Variants in PSD4 observed in about 807,000 individuals in gnomAD.
The protein encoded by PSD4 is pleckstrin and Sec7 domain containing 4.
In PSD4, 59 loss-of-function variants were observed where a neutral mutation model predicts 112.5. The observed-to-expected ratio is 0.52, with a 90% confidence interval of 0.43 to 0.65. The LOEUF (loss-of-function observed/expected upper bound fraction) is 0.65. Ranked by LOEUF, PSD4 falls within the 30% of genes least tolerant of loss-of-function variation. The pLI is 0.00. For missense variants in PSD4, 1,267 were observed against 1,352.6 expected, an observed-to-expected ratio of 0.94 and a Z score of 0.99; for synonymous variants, 533 against 540.0, an observed-to-expected ratio of 0.99 and a Z score of 0.18.
rs1174216907 is a variant in PSD4, at chr2:113,199,119, G to A, written c.2806G>A (p.Ala936Thr). The A allele has an allele frequency of 1.3e-6, 2 of 1,531,096 alleles. No individual in the cohort carries two copies. Among genetic ancestry groups the A allele is most frequent in the Non-Finnish European group, 8.8e-7 (1 of 1,140,952 alleles). 94.8% of individuals were successfully genotyped at this position (1,531,096 alleles called of 1,614,324 possible). A position where few individuals can be genotyped will look rare whatever the true frequency, so the allele number is the denominator to read the frequency against. ...TCGATCCCACGAGAACTGCCTGGAC[G>A]CTGCCGCGGACGACCTGCTGGATCT... is the stretch of plus-strand genomic sequence containing the variant. ...QHRSHENCLD[A>T]AADDLLDLQR... The change falls in exon 16 of 17, where the codon GCT (alanine) becomes ACT (threonine). Residue 936 changes from alanine (A) to threonine (T), a missense_variant. Ala to Thr is a moderately conservative substitution (Grantham distance 58). Coordinates refer to ENST00000245796, the MANE Select transcript of PSD4 (RefSeq NM_012455.3).
rs34048507 is a variant in PSD4 at position 113,201,276 on chromosome 2, A to G, written c.3032A>G (p.Lys1011Arg). ...GREAGGTREPKLSLKKSHSSP... is the reference protein window; with the variant it reads ...GREAGGTREPRLSLKKSHSSP... ...GAAGCTGGAGGCACTCGGGAGCCCA[A>G]GCTCAGCCTGAAGAAGTCCCACTCG... The change falls in exon 17 of 17, where the codon AAG becomes AGG. Residue 1011 changes from lysine (K) to arginine (R), a missense_variant. Lys to Arg is a conservative substitution (Grantham distance 26). Coordinates refer to ENST00000245796, the MANE Select transcript of PSD4 (RefSeq NM_012455.3). 2.9e-4 allele frequency: 472 copies of G among 1,614,182 alleles called. No homozygotes were observed. The African/African-American group carries it at 5.5e-3, about 19-fold the overall frequency.
At chr2:113,185,572 A>G in intron 4 of PSD4, 132 bp downstream of exon 4, 1 of 1,568,530 alleles carries the variant, frequency 6.4e-7, no homozygotes, top group Non-Finnish European at 8.6e-7. Flanking sequence ...AGCCAGACAG[A>G]CTTGGGGTTA....
At chr2:113,178,823 G>A (rs1411460256) in intron 1 of PSD4, among the ~76,000 whole-genome samples, 1 of 152,140 alleles carries the variant, frequency 6.6e-6, no homozygotes, top group Non-Finnish European at 1.5e-5. Context: ...ATGAGAACAG[G>A]AGAAGGGATC....
At chr2:113,187,152 G>A (rs972286387) in intron 5 of PSD4, among the ~76,000 whole-genome samples, 2 of 152,242 alleles carry the variant, frequency 1.3e-5, no homozygotes, top group African/African-American at 4.8e-5. Flanking sequence ...AGAACCCCGA[G>A]AGGAAGGTAT....
intron 5 of PSD4, 120 bp from the exon 6 acceptor site, chr2:113,192,260 G>A: frequency 1.1e-6 from 1 of 947,004 alleles, no homozygotes. Context: ...TCTTCCCTGA[G>A]TAAGGGCCTG....
At position 113,201,332 on chromosome 2, in the gene PSD4, A is replaced by G. The variant is rs1202036644; in HGVS notation, c.3088A>G (p.Thr1030Ala). The G allele has an allele frequency of 6.2e-7, 1 of 1,614,086 alleles. No homozygotes were observed. Among genetic ancestry groups the G allele is most frequent in the Non-Finnish European group, 8.5e-7 (1 of 1,180,034 alleles). Residue 1030 changes from threonine (T) to alanine (A), a missense_variant, in exon 17 of 17, where the codon ACC (threonine) becomes GCC (alanine). Physicochemically the swap from Thr to Ala is moderately conservative, Grantham distance 58. Around this residue, in one of 2 missense-constraint regions of PSD4, gnomAD observed 544 missense variants for 648.6 expected, o/e 0.84. Coordinates refer to ENST00000245796, the MANE Select transcript of PSD4 (RefSeq NM_012455.3). Reference protein sequence around the residue: ...SPSLHQDEAPTTAKVKRNISE... With the variant: ...SPSLHQDEAPATAKVKRNISE... The stretch of plus-strand genomic sequence containing the variant: ...GTCCCTGCACCAGGATGAGGCTCCC[A>G]CCACGGCCAAGGTGAAGCGCAACAT...
At chr2:113,184,692 A>C (rs1401739900) in intron 2 of PSD4, among the ~76,000 whole-genome samples, 1 of 152,106 alleles carries the variant, frequency 6.6e-6, no homozygotes, top group Admixed American at 6.5e-5. Context: ...TCTAAGCACT[A>C]ACTTCTCAGA....
chr2:113,193,039 C>T lies in PSD4; in HGVS notation c.1839-9C>T, dbSNP rs1045506675. 12 of 1,613,154 alleles carry T rather than the reference C, an allele frequency of 7.4e-6. No individual in the cohort carries two copies. Among genetic ancestry groups the T allele is most frequent in the South Asian group, 1.1e-5 (1 of 91,044 alleles). ...TGGTGCAGACTCCATGCCCCTTTTCCCTCTGCAGCAATGACTTTAGCAGGG... is the reference window on the plus strand; with the variant it reads ...TGGTGCAGACTCCATGCCCCTTTTCTCTCTGCAGCAATGACTTTAGCAGGG... On this transcript the variant is annotated splice_polypyrimidine_tract_variant and intron_variant, in intron 6 of 16. Transcript: ENST00000245796.
intron 5 of PSD4, among the ~76,000 whole-genome samples, chr2:113,192,134 T>C (rs1259517344): frequency 6.6e-6 from 1 of 151,928 alleles, no homozygotes; most frequent in African/African-American, 2.4e-5. Context: ...GGAACATGGC[T>C]GTGCTTTACC....
At chr2:113,176,509 G>A (rs969995663) in intron 1 of PSD4, among the ~76,000 whole-genome samples, 5 of 152,150 alleles carry the variant, frequency 3.3e-5, no homozygotes, top group African/African-American at 1.2e-4. Flanking sequence ...GAGTGGAGCA[G>A]TGCTCTCTCT....
chr2:113,182,397 C>T lies in PSD4; in HGVS notation c.-60C>T. On this transcript the variant is annotated 5_prime_UTR_variant, in exon 2 of 17. Transcript: ENST00000245796. Reference sequence around the variant, plus strand: ...AGCGGCCAGTGCTCCCCCTAGTCCACACAGTGAGACCGTGAAAGCAGATGC... The same window carrying T: ...AGCGGCCAGTGCTCCCCCTAGTCCATACAGTGAGACCGTGAAAGCAGATGC... 6.8e-7 allele frequency: 1 copy of T among 1,460,758 alleles called. No individual in the cohort carries two copies. The highest frequency in any genetic ancestry group is 1.4e-5 in the African/African-American group (1 of 70,928). 90.5% of individuals were successfully genotyped at this position (1,460,758 alleles called of 1,614,324 possible).
intron 1 of PSD4, chr2:113,175,362 T>G (rs568865527): frequency 1.3e-5 from 2 of 151,234 alleles, no homozygotes; most frequent in African/African-American, 4.8e-5. Flanking sequence ...TCTCTCTCTC[T>G]GTGTGTGTGT....
chr2:113,183,362 T>G lies in PSD4; in HGVS notation c.906T>G (p.Ser302Arg). The change falls in exon 2 of 17, where the codon AGT becomes AGG. Residue 302 changes from serine to arginine, a missense_variant. Transcript: ENST00000245796. ...PEDTVLWELE[S>R]EPDLGDGAAI... Reference sequence around the variant, plus strand: ...ACACAGTGCTGTGGGAGCTGGAAAGTGAGCCAGATTTGGGGGACGGCGCTG... The same window carrying G: ...ACACAGTGCTGTGGGAGCTGGAAAGGGAGCCAGATTTGGGGGACGGCGCTG... 6.3e-7 allele frequency: 1 copy of G among 1,586,074 alleles called. No individual in the cohort carries two copies. The highest frequency in any genetic ancestry group is 8.6e-7 in the Non-Finnish European group (1 of 1,165,176).
chr2:113,198,665 C>A, intron 14 of PSD4, 75 bp from the exon 15 acceptor site: 16 of 1,467,694 alleles, frequency 1.1e-5, no homozygotes, highest in Non-Finnish European at 1.4e-5. Flanking sequence ...GTGCAAGCAG[C>A]CACAGGAGGG....
Position 113,197,835 on chromosome 2 carries a change from C to T in PSD4, c.2546C>T (p.Pro849Leu), listed in dbSNP as rs1451561918. ...PVGVHHSLAT[P>L]ATHYTKKPHV... Reference sequence around the variant, plus strand: ...GGGGTGCACCACTCGCTGGCCACCCCCGCCACGCATTACACCAAGAAGCCG... The same window carrying T: ...GGGGTGCACCACTCGCTGGCCACCCTCGCCACGCATTACACCAAGAAGCCG... The change falls in exon 14 of 17, where the codon CCC (proline) becomes CTC (leucine). Residue 849 changes from proline (P) to leucine (L), a missense_variant. By Grantham distance (98) the Pro-to-Leu change is moderately conservative. This residue lies in a region of PSD4 where 544 missense variants were observed against 648.6 expected (regional missense o/e 0.84). Coordinates refer to ENST00000245796, the MANE Select transcript of PSD4 (RefSeq NM_012455.3). 4 of 1,611,068 alleles carry T rather than the reference C, an allele frequency of 2.5e-6. No individual in the cohort carries two copies. The highest frequency in any genetic ancestry group is 2.5e-6 in the Non-Finnish European group (3 of 1,178,060).
intron 5 of PSD4, 23 bp from the exon 6 acceptor site, chr2:113,192,357 A>G: frequency 1.2e-6 from 2 of 1,608,712 alleles, no homozygotes; most frequent in Non-Finnish European, 1.7e-6. Flanking sequence ...CTTGACCCAG[A>G]GCTCCTGCAT....
intron 5 of PSD4, among the ~76,000 whole-genome samples, chr2:113,189,352 T>TAC (rs374274499): frequency 1.4e-4 from 7 of 49,340 alleles, no homozygotes; most frequent in African/African-American, 5.7e-4. Flanking sequence ...TATATAATAG[T>TAC]ATATATATAT....
intron 10 of PSD4, among the ~76,000 whole-genome samples, chr2:113,195,247 G>A (rs898565097): frequency 6.6e-5 from 10 of 151,032 alleles, no homozygotes; most frequent in South Asian, 2.1e-4. Context: ...TGCAACCTCC[G>A]CCTCCCGGGT....
rs368488108 is a variant in PSD4 at position 113,197,565 on chromosome 2, G to A, written c.2388G>A (p.Thr796=). 1.7e-5 allele frequency: 28 copies of A among 1,614,184 alleles called. No homozygotes were observed. Among genetic ancestry groups the A allele is most frequent in the Admixed American group, 1.5e-4 (9 of 60,026 alleles). Residue 796 remains threonine (T), a splice_region_variant and synonymous_variant, in exon 13 of 17, where the codon ACG becomes ACA. Transcript: ENST00000245796. ...KMHQDADGKK[T]PWGKRGWKMF... ...ATTTGTGTTCTGTTCCTGGAACAGC[G>A]CCATGGGGCAAGCGTGGCTGGAAGA...
Sources: allele counts gnomAD v4.1 joint callset (sites outside exome capture counted in the v4.1 genomes callset), GRCh38; gene constraint gnomAD v4.1.1; regional missense constraint gnomAD v4.1.1; transcripts MANE v1.5; gene names NCBI Gene and HGNC (gene_info 2026-07-23, HGNC 2026-07-21).